PCDHA8: variants seen among roughly 807,000 people sequenced by gnomAD.
PCDHA8 encodes protocadherin alpha-8.
A neutral mutation model predicts 61.8 loss-of-function variants in PCDHA8; 53 were observed. The observed-to-expected ratio is 0.86, with a 90% CI of 0.69 to 1.08. The LOEUF (loss-of-function observed/expected upper bound fraction) is 1.08. PCDHA8 is among the 50% of genes least tolerant of loss of function. The pLI, the probability that PCDHA8 is intolerant of heterozygous loss-of-function variation, is 0.00. For missense variants in PCDHA8, 1,293 were observed against 1,245.0 expected, an observed-to-expected ratio of 1.04 and a Z score of -0.58; for synonymous variants, 618 against 556.6, an observed-to-expected ratio of 1.11 and a Z score of -1.55.
At chr5:140,877,143 C>G (rs782522652) in intron 1 of PCDHA8, 2 of 1,613,668 alleles carry the variant, frequency 1.2e-6, no homozygotes, top group African/African-American at 2.7e-5. Context: ...TCGTGCTGGA[C>G]GAGAACGACA....
At position 141,010,202 on chromosome 5, in the gene PCDHA8, GC is replaced by G. The variant is rs1308553255; in HGVS notation, c.*267del. 6.4e-7 allele frequency: 1 copy of G among 1,551,944 alleles called. No individual in the cohort carries two copies. The highest frequency in any genetic ancestry group is 8.7e-7 in the Non-Finnish European group (1 of 1,147,050). The stretch of plus-strand genomic sequence containing the variant: ...CAGACCCAAGTTTCCTTTCTCCTCC[GC>G]CGCAAAGGAGAGGCTTCCCAGCCCC... On this transcript the variant is annotated 3_prime_UTR_variant, in exon 4 of 4. Transcript: ENST00000531613.
chr5:140,847,254 G>T (rs1219125323), intron 1 of PCDHA8, among the ~76,000 whole-genome samples: 1 of 149,748 alleles, frequency 6.7e-6, no homozygotes, highest in Non-Finnish European at 1.5e-5. Flanking sequence ...AATAAATCAC[G>T]ACTTTTGAAA....
At chr5:140,856,403 G>T in intron 1 of PCDHA8, 2 of 1,598,562 alleles carry the variant, frequency 1.3e-6, no homozygotes, top group South Asian at 2.2e-5. Context: ...TTTCCATGTG[G>T]ACGTGGAAGT....
intron 1 of PCDHA8, among the ~76,000 whole-genome samples, chr5:140,888,764 T>G (rs74654123): frequency 6.6e-6 from 1 of 152,068 alleles, no homozygotes; most frequent in Non-Finnish European, 1.5e-5. Flanking sequence ...CTTTTTTTTT[T>G]AATTTTGAAG....
intron 1 of PCDHA8, chr5:140,966,383 C>T: frequency 2.5e-6 from 1 of 405,022 alleles, no homozygotes; most frequent in East Asian, 3.6e-5. Context: ...TCCGGGTTCG[C>T]TGTCCGCCAC....
At chr5:140,940,822 A>G (rs1446773813) in intron 1 of PCDHA8, among the ~76,000 whole-genome samples, 9 of 152,200 alleles carry the variant, frequency 5.9e-5, no homozygotes, top group Admixed American at 3.9e-4. Context: ...GAGATCTTGG[A>G]TGGAAATACC....
chr5:140,883,987 G>A (rs782597930), intron 1 of PCDHA8: 2 of 1,612,956 alleles, frequency 1.2e-6, no homozygotes, highest in East Asian at 2.2e-5. Flanking sequence ...CTGGCAGCGC[G>A]GGAGGCACAG....
At chr5:140,877,097 T>G in intron 1 of PCDHA8, 1 of 1,613,308 alleles carries the variant, frequency 6.2e-7, no homozygotes. Context: ...GACGCCGGCG[T>G]GCCGCCTCTG....
chr5:140,889,029 G>A (rs540289378), intron 1 of PCDHA8, among the ~76,000 whole-genome samples: 8 of 151,946 alleles, frequency 5.3e-5, no homozygotes, highest in African/African-American at 1.2e-4. Flanking sequence ...TTGGATAACC[G>A]TAATTTGATT....
intron 1 of PCDHA8, chr5:140,927,637 G>C (rs1554204838): frequency 6.2e-7 from 1 of 1,614,176 alleles, no homozygotes; most frequent in Non-Finnish European, 8.5e-7. Flanking sequence ...TGCACCCAAT[G>C]GGACTGTGTT....
intron 1 of PCDHA8, chr5:140,852,361 T>A (rs1235352793): frequency 4.9e-6 from 1 of 205,518 alleles, no homozygotes; most frequent in East Asian, 1.9e-4. Context: ...CACTGCAACG[T>A]CTGCCTCCTG....
intron 1 of PCDHA8, chr5:140,869,122 A>G (rs1562622538): frequency 2.5e-6 from 4 of 1,607,706 alleles, no homozygotes; most frequent in Non-Finnish European, 3.4e-6. Flanking sequence ...TTTTCAGAGA[A>G]GGGGATTGGG....
intron 1 of PCDHA8, among the ~76,000 whole-genome samples, chr5:140,937,175 C>A: frequency 6.6e-6 from 1 of 151,650 alleles, no homozygotes; most frequent in Non-Finnish European, 1.5e-5. Context: ...GTAGCTGGGA[C>A]TACAGGCGCC....
At chr5:140,882,511 T>C (rs782672669) in intron 1 of PCDHA8, 2 of 1,614,128 alleles carry the variant, frequency 1.2e-6, no homozygotes, top group Admixed American at 3.3e-5. Flanking sequence ...ATCTGCAGAA[T>C]GGCATTTTGT....
At chr5:140,998,148 A>G (rs1229553205) in intron 3 of PCDHA8, among the ~76,000 whole-genome samples, 10 of 152,234 alleles carry the variant, frequency 6.6e-5, no homozygotes, top group Admixed American at 6.5e-4. Flanking sequence ...TGTACTGAAC[A>G]GTTAAGCCAT....
At chr5:140,944,724 C>G (rs246064) in intron 1 of PCDHA8, among the ~76,000 whole-genome samples, 85,713 of 151,920 alleles carry the variant, frequency 0.56, 24,798 homozygotes, top group African/African-American at 0.69. Flanking sequence ...CTTTGAACAC[C>G]TTAGTAAGTC....
chr5:140,982,662 T>C (rs1325546785), intron 3 of PCDHA8, 99 bp downstream of exon 3: 4 of 1,476,284 alleles, frequency 2.7e-6, no homozygotes, highest in Admixed American at 2.6e-5. Context: ...CTTTTTCTTT[T>C]ATATTTTTGT....
chr5:140,933,752 A>T (rs1308245960), intron 1 of PCDHA8, among the ~76,000 whole-genome samples: 1 of 152,068 alleles, frequency 6.6e-6, no homozygotes, highest in African/African-American at 2.4e-5. Context: ...AGAATTCACT[A>T]GTGAAGCTCT....
At chr5:140,992,186 A>G (rs1436291226) in intron 3 of PCDHA8, among the ~76,000 whole-genome samples, 1 of 152,166 alleles carries the variant, frequency 6.6e-6, no homozygotes, top group East Asian at 1.9e-4. Context: ...TCATGCTTTC[A>G]GTGATCTATC....
Sources: allele counts gnomAD v4.1 joint callset (sites outside exome capture counted in the v4.1 genomes callset), GRCh38; gene constraint gnomAD v4.1.1; transcripts MANE v1.5; gene names NCBI Gene and HGNC (gene_info 2026-07-23, HGNC 2026-07-21).